The following EBF2 variants were observed in gnomAD, a reference collection of about 807,000 sequenced individuals.
EBF2 encodes EBF transcription factor 2.
A neutral mutation model predicts 72.8 loss-of-function variants in EBF2; 21 were observed. The observed-to-expected ratio is 0.29, with a 90% confidence interval of 0.20 to 0.42. The LOEUF (loss-of-function observed/expected upper bound fraction) is 0.42, where lower values mean the gene tolerates loss of function less well. EBF2 is among the 10% of genes least tolerant of loss of function. The pLI, the probability that EBF2 is intolerant of heterozygous loss-of-function variation, is 1.00. For missense variants in EBF2, 637 were observed against 731.2 expected (o/e 0.87, Z 1.49); for synonymous variants, 299 against 274.2 (o/e 1.09, Z -0.89).
chr8:25,948,235 C>G (rs1343413787), intron 6 of EBF2, among the ~76,000 whole-genome samples: 2 of 152,202 alleles, frequency 1.3e-5, no homozygotes, highest in Non-Finnish European at 2.9e-5. Context: ...GGTGCACCGT[C>G]TTTCCTGCCG....
chr8:25,967,540 T>C (rs1053111777), intron 6 of EBF2, among the ~76,000 whole-genome samples: 3 of 152,212 alleles, frequency 2.0e-5, no homozygotes, highest in African/African-American at 4.8e-5. Flanking sequence ...GAAAAGCTCA[T>C]GTCATTTATT....
chr8:25,861,975 T>C (rs1331497594), intron 11 of EBF2, among the ~76,000 whole-genome samples: 1 of 152,198 alleles, frequency 6.6e-6, no homozygotes, highest in African/African-American at 2.4e-5. Context: ...TTAACCTACT[T>C]TCCAGATATC....
At chr8:25,994,103 C>A (rs1164360858) in intron 6 of EBF2, among the ~76,000 whole-genome samples, 1 of 151,916 alleles carries the variant, frequency 6.6e-6, no homozygotes, top group Non-Finnish European at 1.5e-5. Flanking sequence ...ATGCAGATAT[C>A]ATAATATGAA....
rs1188080451 is a variant in EBF2 at position 26,045,373 on chromosome 8, G to T, written c.-514C>A. The T allele has an allele frequency of 6.6e-6, 1 of 152,356 alleles. No individual in the cohort carries two copies. The highest frequency in any genetic ancestry group is 1.5e-5 in the Non-Finnish European group (1 of 68,168). 9.4% of individuals were successfully genotyped at this position (152,356 alleles called of 1,614,324 possible). A position where few individuals can be genotyped will look rare whatever the true frequency, so the allele number is the denominator to read the frequency against. The stretch of plus-strand genomic sequence containing the variant: ...GCTGCGAGCGCCACGGAGCCCGGCT[G>T]CAGCCGCGCGCGGGCCCCATGAATG... On this transcript the variant is annotated 5_prime_UTR_variant, in exon 1 of 16. The change creates a premature stop within an existing upstream ORF in the 5' untranslated region. Transcript: ENST00000520164.
At chr8:25,981,330 C>T (rs947807551) in intron 6 of EBF2, among the ~76,000 whole-genome samples, 14 of 152,164 alleles carry the variant, frequency 9.2e-5, no homozygotes, top group Middle Eastern at 3.4e-3. Context: ...ATCAAGAGTA[C>T]GAAGTCGATG....
In EBF2 at chr8:26,026,185, AT is replaced by A. The variant is rs371295917; in HGVS notation, c.551+6899del. On this transcript the variant is annotated intron_variant, in intron 6 of 15. Coordinates refer to ENST00000520164, the MANE Select transcript of EBF2 (RefSeq NM_022659.4). ...GAGCAAGAGCCTGTCTCAAAAAGAA[AT>A]TTTTTTTAATAGCCTGGGGCCAGGT... Among the ~76,000 whole-genome samples, 221 of 151,750 alleles carry A rather than the reference AT, an allele frequency of 1.5e-3. 5 individuals carry two copies. The East Asian group carries it at 0.032, about 22-fold the overall frequency.
intron 6 of EBF2, among the ~76,000 whole-genome samples, chr8:25,965,219 A>G (rs534097617): frequency 6.6e-6 from 1 of 152,310 alleles, no homozygotes; most frequent in Non-Finnish European, 1.5e-5. Context: ...CTAACCACAT[A>G]GAACTTTATT....
At chr8:25,938,499 T>C (rs535065375) in intron 6 of EBF2, among the ~76,000 whole-genome samples, 25 of 152,194 alleles carry the variant, frequency 1.6e-4, no homozygotes. Context: ...CCGTGTAAGA[T>C]ACTAAGTCTA....
chr8:26,022,612 TC>T (rs2117246097), intron 6 of EBF2, among the ~76,000 whole-genome samples: 1 of 152,324 alleles, frequency 6.6e-6, no homozygotes, highest in South Asian at 2.1e-4. Context: ...TGTCATCACA[TC>T]CGTGGAGTTA....
intron 6 of EBF2, among the ~76,000 whole-genome samples, chr8:25,956,642 T>C (rs747473040): frequency 3.9e-5 from 6 of 152,186 alleles, no homozygotes; most frequent in Non-Finnish European, 5.9e-5. Flanking sequence ...GTACAAGTTA[T>C]TTAACTCCCA....
At chr8:25,886,635 C>T in intron 10 of EBF2, 120 bp downstream of exon 10, 1 of 1,219,806 alleles carries the variant, frequency 8.2e-7, no homozygotes, top group South Asian at 1.9e-5. Context: ...ACTCAGCTCA[C>T]TCTTTCCACA....
At chr8:25,973,142 GTTTT>G (rs943148397) in intron 6 of EBF2, among the ~76,000 whole-genome samples, 4 of 152,054 alleles carry the variant, frequency 2.6e-5, no homozygotes, top group African/African-American at 9.7e-5. Context: ...CCTGCAAAGT[GTTTT>G]TTATTTACCT....
intron 6 of EBF2, among the ~76,000 whole-genome samples, chr8:25,969,687 G>C (rs937773115): frequency 2.8e-4 from 42 of 152,204 alleles, no homozygotes; most frequent in Admixed American, 7.9e-4. Context: ...CTTTGAGGCA[G>C]GGTTGTTCAA....
chr8:25,864,210 G>A (rs1802262630), intron 10 of EBF2, among the ~76,000 whole-genome samples: 2 of 152,110 alleles, frequency 1.3e-5, no homozygotes, highest in South Asian at 4.1e-4. Flanking sequence ...CTCCTCAGGA[G>A]AATGTATGAG....
At chr8:25,936,584 G>T (rs1191913384) in intron 6 of EBF2, among the ~76,000 whole-genome samples, 2 of 152,182 alleles carry the variant, frequency 1.3e-5, no homozygotes, top group South Asian at 2.1e-4. Flanking sequence ...GTATTAGTCT[G>T]TACCATAACA....
intron 10 of EBF2, among the ~76,000 whole-genome samples, chr8:25,885,982 G>A (rs1368961555): frequency 6.6e-6 from 1 of 151,988 alleles, no homozygotes; most frequent in Non-Finnish European, 1.5e-5. Flanking sequence ...CTCACCCTGT[G>A]GCCTTTGCCT....
Position 26,044,230 on chromosome 8 carries a change from G to A in EBF2, c.131+499C>T, listed in dbSNP as rs549530142. On this transcript the variant is annotated intron_variant, in intron 1 of 15. Coordinates refer to ENST00000520164, the MANE Select transcript of EBF2 (RefSeq NM_022659.4). The surrounding 1 kb of genome is among the most constrained non-coding windows in gnomAD (Gnocchi z 4.1). ...CGCTCCGGCTTTTCCCGCTCCCCTC[G>A]CCGCCGCCACCCTCTGGCCGCCGGC... Among the ~76,000 whole-genome samples, 212 of 152,122 alleles carry A rather than the reference G, an allele frequency of 1.4e-3. 2 individuals are homozygous for A. Among genetic ancestry groups the A allele is most frequent in the African/African-American group, 4.9e-3 (204 of 41,512 alleles).
At chr8:25,892,134 T>C (rs192050958) in intron 7 of EBF2, among the ~76,000 whole-genome samples, 99 of 152,302 alleles carry the variant, frequency 6.5e-4, no homozygotes, top group African/African-American at 2.3e-3. Flanking sequence ...CTTTTTCCTA[T>C]ACATACCTAT....
intron 6 of EBF2, among the ~76,000 whole-genome samples, chr8:26,020,049 G>C (rs1011961001): frequency 2.6e-5 from 4 of 152,118 alleles, no homozygotes; most frequent in Admixed American, 2.6e-4. Flanking sequence ...TCAGGCACAG[G>C]ATGGAGAAAG....
Sources: gnomAD v4.1 joint callset for allele counts (sites outside exome capture counted in the v4.1 genomes callset) on GRCh38, gnomAD v4.1.1 for gene constraint, Gnocchi (gnomAD v3.1) non-coding constraint, MANE v1.5 for transcripts, NCBI Gene and HGNC (gene_info 2026-07-23, HGNC 2026-07-21) for gene names.